SARNP: variants seen among roughly 807,000 people sequenced by gnomAD.
The protein encoded by SARNP is SAP domain containing ribonucleoprotein, also known as SAP domain-containing ribonucleoprotein.
SARNP carries 5 observed loss-of-function variants against 38.1 expected under a neutral mutation model. The ratio of observed to expected loss-of-function variants is 0.13; its 90% CI spans 0.07 to 0.28. The LOEUF (loss-of-function observed/expected upper bound fraction) is 0.28, where lower values mean the gene tolerates loss of function less well. Ranked by LOEUF, SARNP falls within the 10% of genes least tolerant of loss-of-function variation. SARNP has a pLI of 1.00. For missense variants in SARNP, 180 were observed against 243.9 expected (o/e 0.74, Z 1.75); for synonymous variants, 84 against 80.6 (o/e 1.04, Z -0.23).
At chr12:55,771,157 C>T (rs913207579) in intron 9 of SARNP, among the ~76,000 whole-genome samples, 2 of 151,866 alleles carry the variant, frequency 1.3e-5, no homozygotes, top group Non-Finnish European at 2.9e-5. Context: ...GGGGTTTCAC[C>T]ATGTTAGCCA....
intron 9 of SARNP, among the ~76,000 whole-genome samples, chr12:55,771,800 G>A (rs933705361): frequency 6.6e-6 from 1 of 152,132 alleles, no homozygotes; most frequent in East Asian, 1.9e-4. Flanking sequence ...AGGAAAAGAG[G>A]GAGCCTGAAT....
chr12:55,784,757 T>C (rs773124799), intron 9 of SARNP, among the ~76,000 whole-genome samples: 3 of 152,234 alleles, frequency 2.0e-5, no homozygotes, highest in Non-Finnish European at 4.4e-5. Context: ...TACTGGACAG[T>C]GCTGGTGTAG....
Position 55,774,454 on chromosome 12 carries a change from TC to T in SARNP, c.502-13815del, listed in dbSNP as rs1159517222. ...AGATCAACGGGCTAGGCACGGTGGC[TC>T]ATGCCTGTAATCCCAGGACTTTGGG... On this transcript the variant is annotated intron_variant, in intron 9 of 10. Transcript: ENST00000336133. Among the ~76,000 whole-genome samples, 147 of 150,338 alleles carry T rather than the reference TC, an allele frequency of 9.8e-4. 1 individual carries two copies. Among genetic ancestry groups the T allele is most frequent in the African/African-American group, 3.5e-3 (145 of 40,912 alleles).
intron 9 of SARNP, among the ~76,000 whole-genome samples, chr12:55,777,109 A>G (rs1463591): frequency 0.11 from 17,326 of 152,172 alleles, 1,905 homozygotes; most frequent in African/African-American, 0.28. Flanking sequence ...GAAAATAGAA[A>G]AGAGTTTTTT....
chr12:55,814,954 A>G (rs2136210465), intron 1 of SARNP, among the ~76,000 whole-genome samples: 1 of 152,124 alleles, frequency 6.6e-6, no homozygotes, highest in Admixed American at 6.5e-5. Flanking sequence ...ATATCAACTC[A>G]GATACATACT....
downstream of SARNP, chr12:55,755,712 G>A (rs1878485886): frequency 6.6e-6 from 1 of 152,112 alleles, no homozygotes; most frequent in Non-Finnish European, 1.5e-5. Context: ...GGAAGGGGAG[G>A]ACTTCATCTG....
intron 9 of SARNP, among the ~76,000 whole-genome samples, chr12:55,788,110 C>T (rs1037291130): frequency 6.6e-6 from 1 of 152,188 alleles, no homozygotes; most frequent in South Asian, 2.1e-4. Context: ...CTTTGACAAC[C>T]AAGAAACATG....
chr12:55,797,221 A>G (rs1879847078), intron 4 of SARNP, among the ~76,000 whole-genome samples: 1 of 152,082 alleles, frequency 6.6e-6, no homozygotes, highest in South Asian at 2.1e-4. Flanking sequence ...ATAAGAACTT[A>G]CTCTCTTCCA....
At chr12:55,809,281 T>C (rs555810467) in intron 1 of SARNP, among the ~76,000 whole-genome samples, 15 of 151,346 alleles carry the variant, frequency 9.9e-5, no homozygotes, top group South Asian at 4.2e-4. Context: ...AGTAAGGCTA[T>C]TGAAAAAAAA....
chr12:55,767,446 G>A (rs1279662977), intron 9 of SARNP, among the ~76,000 whole-genome samples: 1 of 152,026 alleles, frequency 6.6e-6, no homozygotes, highest in Non-Finnish European at 1.5e-5. Context: ...CTACTCGAGA[G>A]GCTGATGGGG....
chr12:55,801,029 A>G, intron 2 of SARNP, 129 bp from the exon 3 acceptor site: 1 of 730,160 alleles, frequency 1.4e-6, no homozygotes, highest in Non-Finnish European at 2.4e-6. Context: ...ACTGATGCAC[A>G]TAAAATCTGC....
intron 4 of SARNP, among the ~76,000 whole-genome samples, chr12:55,797,730 A>C (rs535367073): frequency 1.5e-4 from 23 of 152,208 alleles, no homozygotes; most frequent in Non-Finnish European, 3.2e-4. Context: ...CAATAAATAA[A>C]CATCGAATTC....
chr12:55,791,039 C>T (rs1284110069), intron 7 of SARNP, among the ~76,000 whole-genome samples: 1 of 152,152 alleles, frequency 6.6e-6, no homozygotes, highest in African/African-American at 2.4e-5. Context: ...ATACATGCTA[C>T]AACATTAATG....
At position 55,790,225 on chromosome 12, in the gene SARNP, T is replaced by C. The variant is rs553474831; in HGVS notation, c.432+342A>G. ...AAACAGAACTCCTAAATTGCTTCCA[T>C]AGATTCTCTTGTGGTAATTATGAAT... On this transcript the variant is annotated intron_variant, in intron 8 of 10. Coordinates refer to ENST00000336133, the MANE Select transcript of SARNP (RefSeq NM_033082.4). Among the ~76,000 whole-genome samples, 3 of 149,930 alleles carry C rather than the reference T, an allele frequency of 2.0e-5. No individual in the cohort carries two copies. In the East Asian group the frequency reaches 5.9e-4, roughly 29 times the overall value.
intron 9 of SARNP, among the ~76,000 whole-genome samples, chr12:55,775,794 A>G (rs1357067980): frequency 6.6e-6 from 1 of 152,152 alleles, no homozygotes; most frequent in Non-Finnish European, 1.5e-5. Context: ...ATCAGTCATG[A>G]AGAGCAACTC....
intron 1 of SARNP, 99 bp from the exon 2 acceptor site, chr12:55,803,827 T>G: frequency 1.4e-6 from 1 of 734,852 alleles, no homozygotes; most frequent in African/African-American, 1.7e-5. Context: ...GAAAATGAAG[T>G]TCCATCCCAA....
intron 1 of SARNP, among the ~76,000 whole-genome samples, chr12:55,817,069 T>C (rs530606551): frequency 3.3e-5 from 5 of 152,170 alleles, no homozygotes; most frequent in Non-Finnish European, 7.3e-5. Flanking sequence ...TCTGTACTTC[T>C]ACTATTCTCA....
chr12:55,794,218 A>G lies in SARNP; in HGVS notation c.406+141T>C, dbSNP rs567969914. 2.1e-5 allele frequency: 16 copies of G among 762,416 alleles called. No homozygotes were observed. The Admixed American group carries it at 4.1e-4, about 19-fold the overall frequency. The allele number at this position is 762,416 out of a possible 1,614,324, so 47.2% of individuals were successfully genotyped here. On this transcript the variant is annotated intron_variant, in intron 7 of 10. Coordinates refer to ENST00000336133, the MANE Select transcript of SARNP (RefSeq NM_033082.4). ...GGAAGGCCTAAGTATAATTTTACCT[A>G]AAGCAGGAGATGAATGTTACAATCT...
At chr12:55,757,969 T>C (rs1313554240) in intron 10 of SARNP, among the ~76,000 whole-genome samples, 1 of 152,164 alleles carries the variant, frequency 6.6e-6, no homozygotes, top group African/African-American at 2.4e-5. Flanking sequence ...ACCAATGCTA[T>C]TCATAGAGGT....
Sources: gnomAD v4.1 joint callset for allele counts (sites outside exome capture counted in the v4.1 genomes callset) on GRCh38, gnomAD v4.1.1 for gene constraint, MANE v1.5 for transcripts, NCBI Gene and HGNC (gene_info 2026-07-23, HGNC 2026-07-21) for gene names.